CHFR: variants seen among roughly 807,000 people sequenced by gnomAD.
CHFR encodes E3 ubiquitin-protein ligase CHFR.
CHFR carries 57 observed loss-of-function variants against 87.6 expected under a neutral mutation model. The ratio of observed to expected loss-of-function variants is 0.65; its 90% CI spans 0.53 to 0.81. The LOEUF (loss-of-function observed/expected upper bound fraction) is 0.81, where lower values mean the gene tolerates loss of function less well. CHFR is among the 30% of genes least tolerant of loss of function. The pLI, the probability that CHFR is intolerant of heterozygous loss-of-function variation, is 0.00. For synonymous variants in CHFR, 381 were observed against 359.2 expected (o/e 1.06, Z -0.69); for missense variants, 797 against 865.8 (o/e 0.92, Z 1.00).
At chr12:132,847,372 T>C (rs1950853486) in intron 14 of CHFR, 1 of 1,211,818 alleles carries the variant, frequency 8.3e-7, no homozygotes, top group African/African-American at 1.6e-5. Flanking sequence ...CTCTCAAAAG[T>C]TCTGCCAAGA....
chr12:132,844,205 G>T, intron 15 of CHFR, 71 bp from the exon 16 acceptor site: 2 of 973,860 alleles, frequency 2.1e-6, no homozygotes, highest in Non-Finnish European at 1.6e-6. Flanking sequence ...TCACAGCAGT[G>T]GGAGACTAAC....
At chr12:132,879,888 C>G (rs1226394574) in intron 2 of CHFR, among the ~76,000 whole-genome samples, 4 of 152,212 alleles carry the variant, frequency 2.6e-5, no homozygotes, top group Admixed American at 2.6e-4. Flanking sequence ...CCTAAACGTT[C>G]CACACAGAAA....
chr12:132,834,326 A>C lies in CHFR; in HGVS notation c.*7228T>G, dbSNP rs1456486260. The C allele has an allele frequency of 3.3e-5, 5 of 152,336 alleles. No homozygotes were observed. Among genetic ancestry groups the C allele is most frequent in the Non-Finnish European group, 7.3e-5 (5 of 68,218 alleles). 9.4% of individuals were successfully genotyped at this position (152,336 alleles called of 1,614,324 possible). A position where few individuals can be genotyped will look rare whatever the true frequency, so the allele number is the denominator to read the frequency against. ...GGGAGCAGGGGAGAGGGTGAAGCGGATGTTGGGTGCTCAGCCATGCCCCAC... is the reference window on the plus strand; with the variant it reads ...GGGAGCAGGGGAGAGGGTGAAGCGGCTGTTGGGTGCTCAGCCATGCCCCAC... On this transcript the variant is annotated 3_prime_UTR_variant, in exon 18 of 18. Coordinates refer to ENST00000450056, the MANE Select transcript of CHFR (RefSeq NM_001161346.2).
At position 132,853,596 on chromosome 12, in the gene CHFR, G is replaced by A. The variant is rs61412200; in HGVS notation, c.1230-23C>T. The A allele has an allele frequency of 1.6e-5, 24 of 1,518,442 alleles. No homozygotes were observed. The African/African-American group carries it at 3.2e-4, about 20-fold the overall frequency. 94.1% of individuals were successfully genotyped at this position (1,518,442 alleles called of 1,614,324 possible). A position where few individuals can be genotyped will look rare whatever the true frequency, so the allele number is the denominator to read the frequency against. On this transcript the variant is annotated intron_variant, in intron 10 of 17. Transcript: ENST00000450056. ...TGGCTGCAAGGAAGCACAGGGCCGA[G>A]CTGTGTGCAGGCCCCAAGCCTCTCA...
chr12:132,843,693 G>A (rs760476002), intron 16 of CHFR, among the ~76,000 whole-genome samples: 14 of 151,864 alleles, frequency 9.2e-5, no homozygotes, highest in Non-Finnish European at 1.8e-4. Context: ...CTGGCCGAGC[G>A]TGGTGGCTCA....
chr12:132,866,747 T>C (rs1002794781), intron 6 of CHFR: 1 of 152,224 alleles, frequency 6.6e-6, no homozygotes, highest in Non-Finnish European at 1.5e-5. Flanking sequence ...TACAACACAC[T>C]GGAATGTTAC....
In CHFR at chr12:132,872,345, A is replaced by G; in HGVS notation, c.283T>C (p.Cys95Arg). The change falls in exon 4 of 18, where the codon TGC (cysteine) becomes CGC (arginine). Residue 95 changes from cysteine (C) to arginine (R), a missense_variant. Coordinates refer to ENST00000450056, the MANE Select transcript of CHFR (RefSeq NM_001161346.2). Reference protein sequence around the residue: ...NKLKVVKKQTCPLQTGDVIYL... With the variant: ...NKLKVVKKQTRPLQTGDVIYL... ...ATGACATCCCCAGTCTGTAAAGGGC[A>G]TGTCTGCTTCTTAACAACCTTCAGC... The G allele has an allele frequency of 6.2e-7, 1 of 1,613,776 alleles. No individual in the cohort carries two copies. Among genetic ancestry groups the G allele is most frequent in the Non-Finnish European group, 8.5e-7 (1 of 1,179,694 alleles).
rs777838067 is a variant in CHFR, at chr12:132,872,274, CTCT to C, written c.343+8_343+10del. On this transcript the variant is annotated splice_region_variant and intron_variant, in intron 4 of 17. Transcript: ENST00000450056. The stretch of plus-strand genomic sequence containing the variant: ...GCGGGTCTGACCCCGGCAAGCCTTC[CTCT>C]CTCTTACTGTGTTCCGGTTCATTCT... The C allele has an allele frequency of 6.3e-7, 1 of 1,585,456 alleles. No homozygotes were observed. The highest frequency in any genetic ancestry group is 8.7e-7 in the Non-Finnish European group (1 of 1,154,024).
intron 8 of CHFR, among the ~76,000 whole-genome samples, chr12:132,858,725 T>TAAAAAAAAAAAAAAA (rs60137048): frequency 3.7e-5 from 1 of 26,788 alleles, no homozygotes; most frequent in Non-Finnish European, 5.7e-5. Context: ...AGACTCCATC[T>TAAAAAAAAAAAAAAA]AAAAAAAAAA....
In CHFR at chr12:132,869,758, C is replaced by T. The variant is rs1951441836; in HGVS notation, c.444G>A (p.Arg148=). 1.9e-6 allele frequency: 3 copies of T among 1,551,468 alleles called. No individual in the cohort carries two copies. The highest frequency in any genetic ancestry group is 2.6e-6 in the Non-Finnish European group (3 of 1,146,972). Residue 148 remains arginine, a synonymous_variant, in exon 6 of 18, where the codon CGG becomes CGA. Coordinates refer to ENST00000450056, the MANE Select transcript of CHFR (RefSeq NM_001161346.2). ...GAGTGGCGGGCGACGACGGAGGGAC[C>T]CGGGGATCGGCCCCTCGCCCTGCAC... ...GAGAGRGADP[R]VPPSSPATQV... is the part of the protein sequence containing the mutation.
chr12:132,864,816 T>C (rs571206161), intron 6 of CHFR, among the ~76,000 whole-genome samples: 6 of 152,094 alleles, frequency 3.9e-5, no homozygotes, highest in Admixed American at 1.3e-4. Flanking sequence ...ATTACATAAG[T>C]AATATATAAA....
intron 14 of CHFR, 47 bp downstream of exon 14, chr12:132,848,037 AG>A: frequency 6.2e-7 from 1 of 1,613,520 alleles, no homozygotes; most frequent in Non-Finnish European, 8.5e-7. Context: ...TGGCTGCACT[AG>A]GGAGAAAATG....
Position 132,861,442 on chromosome 12 carries a change from A to C in CHFR, c.751+25T>G, listed in dbSNP as rs753907430. On this transcript the variant is annotated intron_variant, in intron 7 of 17. Transcript: ENST00000450056. Reference sequence around the variant, plus strand: ...GCCCCAGGAGCACACGAGAGGACTGAGGACACACACAACCAGACACTAACC... The same window carrying C: ...GCCCCAGGAGCACACGAGAGGACTGCGGACACACACAACCAGACACTAACC... 1.2e-5 allele frequency: 20 copies of C among 1,610,836 alleles called. 1 individual carries two copies. In the South Asian group the frequency reaches 2.0e-4, roughly 16 times the overall value.
intron 2 of CHFR, among the ~76,000 whole-genome samples, chr12:132,880,192 C>T (rs1355147441): frequency 1.3e-5 from 2 of 152,150 alleles, no homozygotes; most frequent in Middle Eastern, 3.2e-3. Flanking sequence ...AGTATTGTGG[C>T]TGTGTAAGGA....
chr12:132,887,320 C>A lies in CHFR; in HGVS notation c.9G>T (p.Arg3=), dbSNP rs879451433. 56 of 1,471,724 alleles carry A rather than the reference C, an allele frequency of 3.8e-5. No individual in the cohort carries two copies. Among genetic ancestry groups the A allele is most frequent in the Non-Finnish European group, 4.7e-5 (53 of 1,118,028 alleles). The allele number at this position is 1,471,724 out of a possible 1,614,324, so 91.2% of individuals were successfully genotyped here. ...GCGGCGACTGCTTGCCTTCCTCGGG[C>A]CGCTCCATCGGGATTCACATCTGCG... ME[R]PEEGKQSPPP... The change falls in exon 2 of 18, where the codon CGG becomes CGT. Residue 3 remains arginine (R), a synonymous_variant. Coordinates refer to ENST00000450056, the MANE Select transcript of CHFR (RefSeq NM_001161346.2).
At chr12:132,852,831 C>T (rs983163908) in intron 11 of CHFR, among the ~76,000 whole-genome samples, 2 of 152,186 alleles carry the variant, frequency 1.3e-5, no homozygotes, top group African/African-American at 4.8e-5. Context: ...TGCTCAGCCC[C>T]CACCCGTGGC....
chr12:132,861,613 G>A lies in CHFR; in HGVS notation c.605C>T (p.Ser202Phe). 1 of 1,614,124 alleles carries A rather than the reference G, an allele frequency of 6.2e-7. No individual in the cohort carries two copies. The highest frequency in any genetic ancestry group is 1.1e-5 in the South Asian group (1 of 91,080). The change falls in exon 7 of 18, where the codon TCC (serine) becomes TTC (phenylalanine). Residue 202 changes from serine (S) to phenylalanine (F), a missense_variant. Transcript: ENST00000450056. Reference protein sequence around the residue: ...SSCGSGGGGISPKGSGPSVAS... With the variant: ...SSCGSGGGGIFPKGSGPSVAS... ...CACAGAGGGACCACTTCCTTTAGGG[G>A]AGATGCCACCACCCCCAGACCCTGT...
chr12:132,869,936 C>T (rs767923691), intron 5 of CHFR, 138 bp from the exon 6 acceptor site: 7 of 1,012,892 alleles, frequency 6.9e-6, no homozygotes, highest in African/African-American at 1.6e-5. Flanking sequence ...AGGCCAGGCA[C>T]GGTGGTGCAG....
chr12:132,847,079 G>A lies in CHFR; in HGVS notation c.1699C>T (p.Leu567Phe), dbSNP rs770399858. 1.2e-6 allele frequency: 2 copies of A among 1,613,792 alleles called. No individual in the cohort carries two copies. The highest frequency in any genetic ancestry group is 2.2e-5 in the South Asian group (2 of 91,072). ...LTWKNMLTESLVALQRGVFLL... is the reference protein window; with the variant it reads ...LTWKNMLTESFVALQRGVFLL... ...AACACTCCCCGCTGGAGAGCCACGA[G>A]GCTCTCGGTCAACATGTTTTTCCAT... Residue 567 changes from leucine to phenylalanine, a missense_variant, in exon 15 of 18, where the codon CTC becomes TTC. Physicochemically the swap from Leu to Phe is conservative, Grantham distance 22. Transcript: ENST00000450056.
Sources: allele counts gnomAD v4.1 joint callset (sites outside exome capture counted in the v4.1 genomes callset), GRCh38; gene constraint gnomAD v4.1.1; transcripts MANE v1.5; gene names NCBI Gene and HGNC (gene_info 2026-07-23, HGNC 2026-07-21).